LMO3: variants seen among roughly 807,000 people sequenced by gnomAD.
The protein encoded by LMO3 is LIM domain only 3.
A neutral mutation model predicts 15.8 loss-of-function variants in LMO3; 2 were observed. That is an observed-to-expected ratio of 0.13 (90% CI 0.05 to 0.40). LMO3 has a LOEUF of 0.40. Ranked by LOEUF, LMO3 falls within the 10% of genes least tolerant of loss-of-function variation. The pLI, the probability that LMO3 is intolerant of heterozygous loss-of-function variation, is 0.99. For missense variants in LMO3, 86 were observed against 182.2 expected (o/e 0.47, Z 3.04); for synonymous variants, 62 against 63.8 (o/e 0.97, Z 0.13).
upstream of LMO3, chr12:16,606,466 C>T (rs920528572): frequency 3.9e-5 from 6 of 152,358 alleles, no homozygotes; most frequent in Admixed American, 2.6e-4. Flanking sequence ...CCGGCGGAGC[C>T]CAGGCAGCGC....
chr12:16,555,238 C>T lies in LMO3; in HGVS notation c.333-3911G>A, dbSNP rs1319895603. ...TTCCCTAGCAAGAAATATTTCTCCCCTTTTTCTGTCTACTTAAATTGTAAC... is the reference window on the plus strand; with the variant it reads ...TTCCCTAGCAAGAAATATTTCTCCCTTTTTTCTGTCTACTTAAATTGTAAC... On this transcript the variant is annotated intron_variant, in intron 3 of 3. Coordinates refer to ENST00000537304, the MANE Select transcript of LMO3 (RefSeq NM_018640.5). This position sits in a 1 kb window ranked among gnomAD's most constrained non-coding sequence, Gnocchi z 5.5. Among the ~76,000 whole-genome samples the T allele has an allele frequency of 6.6e-6, 1 of 152,146 alleles. No individual in the cohort carries two copies. Among genetic ancestry groups the T allele is most frequent in the Admixed American group, 6.5e-5 (1 of 15,278 alleles).
intron 2 of LMO3, among the ~76,000 whole-genome samples, chr12:16,565,828 CAATCCCACTACTGGATTAAA>C (rs1157660313): frequency 2.0e-5 from 3 of 150,976 alleles, no homozygotes; most frequent in Non-Finnish European, 4.4e-5. Flanking sequence ...TATGATCCAG[CAATCCCACTACTGGATTAAA>C]AATCCCACTA....
At chr12:16,567,871 T>A (rs1447051139) in intron 2 of LMO3, among the ~76,000 whole-genome samples, 1 of 152,144 alleles carries the variant, frequency 6.6e-6, no homozygotes, top group East Asian at 1.9e-4. Context: ...TCAAGCCCAC[T>A]CAGAGGGCTC....
Position 16,593,454 on chromosome 12 carries a change from A to G in LMO3, c.206+7201T>C, listed in dbSNP as rs1316204791. On this transcript the variant is annotated intron_variant, in intron 2 of 3. Coordinates refer to ENST00000537304, the MANE Select transcript of LMO3 (RefSeq NM_018640.5). The surrounding 1 kb of genome is among the most constrained non-coding windows in gnomAD (Gnocchi z 4.2). ...AGTGTGATTTCATTTTAAACTTGTA[A>G]AGCCCACAACTAGAGATTTTTGCAT... Among the ~76,000 whole-genome samples, 1 of 151,852 alleles carries G rather than the reference A, an allele frequency of 6.6e-6. No homozygotes were observed. The highest frequency in any genetic ancestry group is 1.5e-5 in the Non-Finnish European group (1 of 67,802).
Position 16,606,080 on chromosome 12 carries a change from G to T in LMO3, c.-23C>A, listed in dbSNP as rs754284991. On this transcript the variant is annotated 5_prime_UTR_variant, in exon 1 of 4. Coordinates refer to ENST00000537304, the MANE Select transcript of LMO3 (RefSeq NM_018640.5). ...GCTGCACTTACCTTCTCAATTAAGC[G>T]ATACAGGGGGAGGCCGTTCAGTAAG... 4.4e-6 allele frequency: 2 copies of T among 453,134 alleles called. No individual in the cohort carries two copies. The highest frequency in any genetic ancestry group is 8.0e-6 in the Non-Finnish European group (2 of 251,488). The allele number at this position is 453,134 out of a possible 1,614,324, so 28.1% of individuals were successfully genotyped here. A position where few individuals can be genotyped will look rare whatever the true frequency, so the allele number is the denominator to read the frequency against.
intron 1 of LMO3, chr12:16,605,637 T>G: frequency 1.1e-6 from 1 of 919,620 alleles, no homozygotes; most frequent in Non-Finnish European, 1.6e-6. Context: ...AGGACTGAAT[T>G]CTTTTCCTAT....
chr12:16,569,440 T>C (rs1942733476), intron 2 of LMO3, among the ~76,000 whole-genome samples: 1 of 152,188 alleles, frequency 6.6e-6, no homozygotes, highest in African/African-American at 2.4e-5. Context: ...TTGCAAACAG[T>C]GTTTAAACAT....
Position 16,560,490 on chromosome 12 carries a change from A to G in LMO3, c.255T>C (p.Pro85=), listed in dbSNP as rs1324322280. ...TGGCACGCATCACCATCTCAAAGGC[A>G]GGGATGAGCTTACTACAGGCAGCGC... is the stretch of plus-strand genomic sequence containing the variant. ...GNCAACSKLI[P]AFEMVMRAKD... is the part of the protein sequence containing the mutation. Residue 85 remains proline, a synonymous_variant, in exon 3 of 4, where the codon CCT becomes CCC. Transcript: ENST00000537304. This position sits in a 1 kb window ranked among gnomAD's most constrained non-coding sequence, Gnocchi z 5.0. 3 of 1,613,820 alleles carry G rather than the reference A, an allele frequency of 1.9e-6. No individual in the cohort carries two copies. The African/African-American group carries it at 4.0e-5, about 22-fold the overall frequency.
chr12:16,568,419 A>AAC (rs10687330), intron 2 of LMO3, among the ~76,000 whole-genome samples: 6,762 of 152,188 alleles, frequency 0.044, 506 homozygotes, highest in African/African-American at 0.15. Flanking sequence ...GTTTCTCCCC[A>AAC]ACCTCCAATC....
At chr12:16,605,204 T>G (rs1471153302) in intron 1 of LMO3, 1 of 1,324,092 alleles carries the variant, frequency 7.6e-7, no homozygotes, top group East Asian at 3.1e-5. Context: ...CAGCGGCCCC[T>G]TTTAGCTTCC....
At chr12:16,572,942 A>T (rs1942864865) in intron 2 of LMO3, among the ~76,000 whole-genome samples, 1 of 151,752 alleles carries the variant, frequency 6.6e-6, no homozygotes, top group African/African-American at 2.4e-5. Flanking sequence ...ATTGATCATC[A>T]AAATAGGAAA....
At chr12:16,556,027 G>A (rs1942176373) in intron 3 of LMO3, among the ~76,000 whole-genome samples, 1 of 151,924 alleles carries the variant, frequency 6.6e-6, no homozygotes, top group African/African-American at 2.4e-5. Context: ...CTCTCCCGTA[G>A]CTCCGGACAC....
chr12:16,591,396 A>T lies in LMO3; in HGVS notation c.206+9259T>A, dbSNP rs1449050143. ...CTGCACCCCCTCCACACAAACCAAA[A>T]TTCTACAAACCTCTTGTACTGCTTC... On this transcript the variant is annotated intron_variant, in intron 2 of 3. Transcript: ENST00000537304. This position sits in a 1 kb window ranked among gnomAD's most constrained non-coding sequence, Gnocchi z 4.1. Among the ~76,000 whole-genome samples, 2 of 151,894 alleles carry T rather than the reference A, an allele frequency of 1.3e-5. No homozygotes were observed. The highest frequency in any genetic ancestry group is 1.3e-4 in the Admixed American group (2 of 15,212).
chr12:16,607,506 C>T (rs958505541), upstream of LMO3: 1 of 151,898 alleles, frequency 6.6e-6, no homozygotes, highest in African/African-American at 2.4e-5. Flanking sequence ...TCTATAAAGG[C>T]CACTGGTAGC....
chr12:16,581,394 C>T (rs1943154403), intron 2 of LMO3, among the ~76,000 whole-genome samples: 1 of 152,090 alleles, frequency 6.6e-6, no homozygotes, highest in African/African-American at 2.4e-5. Context: ...TTCCCAAGGG[C>T]TAGAGGAGAT....
chr12:16,551,750 A>G (rs1941998570), intron 3 of LMO3, among the ~76,000 whole-genome samples: 1 of 152,088 alleles, frequency 6.6e-6, no homozygotes, highest in South Asian at 2.1e-4. Context: ...ATAAAAAAGT[A>G]AAAGGCATTA....
intron 2 of LMO3, among the ~76,000 whole-genome samples, chr12:16,561,188 T>TA (rs913685964): frequency 6.6e-6 from 1 of 152,072 alleles, no homozygotes; most frequent in Non-Finnish European, 1.5e-5. Context: ...GTCTAGGATT[T>TA]AAAAAAAATT....
Position 16,584,752 on chromosome 12 carries a change from G to A in LMO3, c.206+15903C>T, listed in dbSNP as rs894739731. On this transcript the variant is annotated intron_variant, in intron 2 of 3. Transcript: ENST00000537304. The surrounding 1 kb of genome is among the most constrained non-coding windows in gnomAD (Gnocchi z 5.2). ...CTTTTATCAGGACGGGCTGCTTCTC[G>A]CCTCACAAAGCAGTGCCAAGACTCC... 5.9e-5 allele frequency among the ~76,000 whole-genome samples: 9 copies of A among 152,234 alleles called. No individual in the cohort carries two copies. The highest frequency in any genetic ancestry group is 1.2e-4 in the African/African-American group (5 of 41,544).
rs1390763174 is a variant in LMO3, at chr12:16,604,893, T to C, written c.-9+1173A>G. 1.9e-6 allele frequency: 3 copies of C among 1,598,426 alleles called. No homozygotes were observed. The highest frequency in any genetic ancestry group is 1.7e-5 in the Admixed American group (1 of 60,018). On this transcript the variant is annotated intron_variant, in intron 1 of 3. Transcript: ENST00000537304. The surrounding 1 kb of genome is among the most constrained non-coding windows in gnomAD (Gnocchi z 5.3). ...AACTTTTCTCCTTTTTCTGCATGAG[T>C]TGACTTAGGCGTGTCTGAGTTGCAG...
Sources: gnomAD v4.1 joint callset for allele counts (sites outside exome capture counted in the v4.1 genomes callset) on GRCh38, gnomAD v4.1.1 for gene constraint, Gnocchi (gnomAD v3.1) non-coding constraint, MANE v1.5 for transcripts, NCBI Gene and HGNC (gene_info 2026-07-23, HGNC 2026-07-21) for gene names.